Variants in ADGRG7 observed in about 807,000 individuals in gnomAD.
ADGRG7 encodes the protein G-protein coupled receptor 128.
Under a neutral mutation model 88.6 loss-of-function variants are expected in ADGRG7, and 82 were observed. The observed-to-expected ratio is 0.93, with a 90% CI of 0.77 to 1.11. The LOEUF is 1.11. Ranked by LOEUF, ADGRG7 falls within the 50% of genes most tolerant of loss-of-function variation. The probability of loss-of-function intolerance (pLI) is 0.00; values close to 1 mark genes in which losing one functional copy is unlikely to be tolerated. For missense variants in ADGRG7, 945 were observed against 953.4 expected (o/e 0.99, Z 0.12); for synonymous variants, 381 against 345.2 (o/e 1.10, Z -1.15).
intron 15 of ADGRG7, among the ~76,000 whole-genome samples, chr3:100,674,118 A>G (rs1439398664): frequency 6.6e-6 from 1 of 151,820 alleles, no homozygotes; most frequent in Non-Finnish European, 1.5e-5. Flanking sequence ...GGACATCTTT[A>G]TTTCTGCCTG....
Position 100,645,812 on chromosome 3 carries a change from CA to C in ADGRG7, c.947-131del, listed in dbSNP as rs1486013283. On this transcript the variant is annotated intron_variant, in intron 8 of 15. Transcript: ENST00000273352. ...TACATATTGCAATTAAGTAAAGGTTCAACCAGTAAACCATTTTTACTGTACT... is the reference window on the plus strand; with the variant it reads ...TACATATTGCAATTAAGTAAAGGTTCACCAGTAAACCATTTTTACTGTACT... 5.4e-6 allele frequency: 4 copies of C among 744,294 alleles called. No homozygotes were observed. In the African/African-American group the frequency reaches 7.1e-5, roughly 13 times the overall value. The allele number at this position is 744,294 out of a possible 1,614,324, so 46.1% of individuals were successfully genotyped here.
rs774407900 is a variant in ADGRG7 at position 100,655,039 on chromosome 3, G to A, written c.1584G>A (p.Ala528=). ...ACATCCCGAATCCCATGTGCACTGC[G>A]ATTGCCGCCTTACTGCACTATTTTC... The part of the protein sequence containing the change: ...TINIPNPMCT[A]IAALLHYFLL... The change falls in exon 12 of 16, where the codon GCG becomes GCA. Residue 528 remains alanine (A), a synonymous_variant. Transcript: ENST00000273352. 42 of 1,614,004 alleles carry A rather than the reference G, an allele frequency of 2.6e-5. No homozygotes were observed. The highest frequency in any genetic ancestry group is 2.5e-4 in the Admixed American group (15 of 60,002).
chr3:100,634,933 C>G (rs1419178518), intron 4 of ADGRG7, among the ~76,000 whole-genome samples: 2 of 151,524 alleles, frequency 1.3e-5, no homozygotes, highest in Non-Finnish European at 2.9e-5. Flanking sequence ...TGACACTTAC[C>G]CAAGTGTGAA....
chr3:100,692,420 A>G (rs748994223), intron 15 of ADGRG7, among the ~76,000 whole-genome samples: 1 of 152,224 alleles, frequency 6.6e-6, no homozygotes, highest in Non-Finnish European at 1.5e-5. Context: ...CAGAGTGAGC[A>G]GGAATTTAGG....
chr3:100,620,161 A>G (rs1480690057), intron 1 of ADGRG7, among the ~76,000 whole-genome samples: 6 of 152,228 alleles, frequency 3.9e-5, no homozygotes, highest in South Asian at 2.1e-4. Flanking sequence ...AATCCTCAGT[A>G]GAATACTGGC....
intron 15 of ADGRG7, among the ~76,000 whole-genome samples, chr3:100,694,025 G>A (rs548834147): frequency 1.3e-5 from 2 of 152,316 alleles, no homozygotes; most frequent in Admixed American, 1.3e-4. Flanking sequence ...CTGAGTACTG[G>A]TTGGGTGATC....
intron 13 of ADGRG7, 79 bp downstream of exon 13, chr3:100,656,074 C>T: frequency 1.3e-6 from 1 of 771,198 alleles, no homozygotes; most frequent in Admixed American, 1.9e-5. Flanking sequence ...CCGAGTGTCA[C>T]TGTAATTTGC....
At chr3:100,666,529 G>T (rs185071512) in intron 14 of ADGRG7, among the ~76,000 whole-genome samples, 10 of 152,342 alleles carry the variant, frequency 6.6e-5, no homozygotes, top group South Asian at 4.1e-4. Context: ...TCAGCCCTAA[G>T]GCGGTTTTTC....
rs745536407 is a variant in ADGRG7, at chr3:100,655,925, A to G, written c.1753A>G (p.Thr585Ala). The G allele has an allele frequency of 4.4e-6, 7 of 1,604,612 alleles. No individual in the cohort carries two copies. The South Asian group carries it at 7.7e-5, about 18-fold the overall frequency. The part of the protein sequence containing the change: ...WGVPAIVVAI[T>A]VGVIYSQNGN... The stretch of plus-strand genomic sequence containing the variant: ...AGTCCCAGCTATAGTAGTGGCTATA[A>G]CAGTGGGAGTTATTTATTCTCAGAA... The change falls in exon 13 of 16, where the codon ACA (threonine) becomes GCA (alanine). Residue 585 changes from threonine to alanine, a missense_variant. Physicochemically the swap from Thr to Ala is moderately conservative, Grantham distance 58. Transcript: ENST00000273352.
At chr3:100,622,125 C>T (rs893540444) in intron 1 of ADGRG7, among the ~76,000 whole-genome samples, 1 of 152,138 alleles carries the variant, frequency 6.6e-6, no homozygotes, top group Admixed American at 6.6e-5. Context: ...TGCTGTGTGG[C>T]CTGGTTCCTA....
chr3:100,690,947 G>A (rs2094992480), intron 15 of ADGRG7, among the ~76,000 whole-genome samples: 2 of 152,148 alleles, frequency 1.3e-5, no homozygotes, highest in African/African-American at 4.8e-5. Flanking sequence ...TTTTGTTTGT[G>A]CCCTGTCCCC....
rs114896822 is a variant in ADGRG7, at chr3:100,633,550, G to A, written c.447+173G>A. Among the ~76,000 whole-genome samples, 914 of 152,176 alleles carry A rather than the reference G, an allele frequency of 6.0e-3. 10 individuals carry two copies. Among genetic ancestry groups the A allele is most frequent in the African/African-American group, 0.021 (888 of 41,504 alleles). Reference sequence around the variant, plus strand: ...ATTTATTTATTTATTTTGAGACCTAGTTTTGCTCATGTCACCCAGGCTGCA... The same window carrying A: ...ATTTATTTATTTATTTTGAGACCTAATTTTGCTCATGTCACCCAGGCTGCA... On this transcript the variant is annotated intron_variant, in intron 4 of 15. Coordinates refer to ENST00000273352, the MANE Select transcript of ADGRG7 (RefSeq NM_032787.3).
intron 6 of ADGRG7, among the ~76,000 whole-genome samples, chr3:100,642,132 C>G (rs140590228): frequency 1.5e-3 from 232 of 152,316 alleles, no homozygotes; most frequent in African/African-American, 5.1e-3. Flanking sequence ...CCACATCTTT[C>G]CTTTTAGCCT....
chr3:100,663,809 A>T (rs767588175), intron 14 of ADGRG7, among the ~76,000 whole-genome samples: 1 of 152,028 alleles, frequency 6.6e-6, no homozygotes, highest in Non-Finnish European at 1.5e-5. Context: ...ATGGTTACTT[A>T]TATATTTGTT....
chr3:100,665,755 G>A (rs1188777608), intron 14 of ADGRG7, among the ~76,000 whole-genome samples: 1 of 152,138 alleles, frequency 6.6e-6, no homozygotes, highest in Non-Finnish European at 1.5e-5. Context: ...TTGCAAATTA[G>A]GATATATTTC....
chr3:100,686,452 T>C (rs1005611980), intron 15 of ADGRG7, among the ~76,000 whole-genome samples: 5 of 152,240 alleles, frequency 3.3e-5, no homozygotes, highest in South Asian at 2.1e-4. Context: ...TCCTTGCCCA[T>C]GCCTATGTCC....
chr3:100,686,020 A>G (rs34637039), intron 15 of ADGRG7, among the ~76,000 whole-genome samples: 6,584 of 150,740 alleles, frequency 0.044, 413 homozygotes, highest in African/African-American at 0.15. Flanking sequence ...ATTTCTCCAC[A>G]TCCTCTCCAG....
chr3:100,617,907 G>C (rs936062452), intron 1 of ADGRG7, among the ~76,000 whole-genome samples: 4 of 152,146 alleles, frequency 2.6e-5, no homozygotes, highest in Admixed American at 6.5e-5. Context: ...GATCGCCATT[G>C]TAACTGGTGT....
chr3:100,688,631 T>C (rs977994980), intron 15 of ADGRG7, among the ~76,000 whole-genome samples: 1 of 152,250 alleles, frequency 6.6e-6, no homozygotes, highest in Non-Finnish European at 1.5e-5. Context: ...CATTTCATTA[T>C]GTACCCAGTA....
Sources: allele counts gnomAD v4.1 joint callset (sites outside exome capture counted in the v4.1 genomes callset), GRCh38; gene constraint gnomAD v4.1.1; transcripts MANE v1.5; gene names NCBI Gene and HGNC (gene_info 2026-07-23, HGNC 2026-07-21).